PLCB1: variants seen among roughly 807,000 people sequenced by gnomAD.
PLCB1 encodes phospholipase C beta 1.
Under a neutral mutation model 161.8 loss-of-function variants are expected in PLCB1, and 46 were observed. The ratio of observed to expected loss-of-function variants is 0.28; its 90% confidence interval spans 0.22 to 0.36. The LOEUF (loss-of-function observed/expected upper bound fraction) is 0.36. Ranked by LOEUF, PLCB1 falls within the 10% of genes least tolerant of loss-of-function variation. The pLI is 1.00. For synonymous variants in PLCB1, 517 were observed against 503.7 expected (o/e 1.03, Z -0.35); for missense variants, 1,016 against 1,472.5 (o/e 0.69, Z 5.07).
At chr20:8,386,377 C>T (rs1600364372) in intron 3 of PLCB1, among the ~76,000 whole-genome samples, 1 of 152,174 alleles carries the variant, frequency 6.6e-6, no homozygotes, top group East Asian at 1.9e-4. Flanking sequence ...TGTATATCAC[C>T]ATCAGAGCTC....
chr20:8,455,277 G>A (rs776976210), intron 3 of PLCB1, among the ~76,000 whole-genome samples: 152 of 145,846 alleles, frequency 1.0e-3, no homozygotes, highest in Non-Finnish European at 1.6e-3. Context: ...GCGATGAGCC[G>A]AGATTGTGCC....
chr20:8,708,951 G>T (rs1247419132), intron 12 of PLCB1, among the ~76,000 whole-genome samples, 199 bp downstream of exon 12: 1 of 152,152 alleles, frequency 6.6e-6, no homozygotes, highest in Non-Finnish European at 1.5e-5. Flanking sequence ...GGACTTGTAG[G>T]ATCTATTTTC....
At chr20:8,480,704 C>T (rs2122742547) in intron 3 of PLCB1, among the ~76,000 whole-genome samples, 1 of 152,280 alleles carries the variant, frequency 6.6e-6, no homozygotes, top group South Asian at 2.1e-4. Context: ...TAGCACACAG[C>T]TTGAGAACTG....
chr20:8,525,467 C>G (rs1348769537), intron 3 of PLCB1, among the ~76,000 whole-genome samples: 2 of 152,108 alleles, frequency 1.3e-5, no homozygotes, highest in East Asian at 1.9e-4. Context: ...TTCAAATAAT[C>G]AATCTCAATT....
intron 2 of PLCB1, among the ~76,000 whole-genome samples, chr20:8,322,895 T>C (rs952261820): frequency 6.6e-6 from 1 of 152,174 alleles, no homozygotes; most frequent in African/African-American, 2.4e-5. Flanking sequence ...TGTTTGAGGC[T>C]GTACCGCATG....
At chr20:8,242,159 T>C (rs1212134139) in intron 2 of PLCB1, among the ~76,000 whole-genome samples, 2 of 151,774 alleles carry the variant, frequency 1.3e-5, no homozygotes, top group African/African-American at 4.9e-5. Flanking sequence ...TACATGTTTC[T>C]GTTGTTGTTG....
intron 18 of PLCB1, chr20:8,729,954 T>C (rs1980145767): frequency 1.3e-5 from 2 of 151,990 alleles, no homozygotes; most frequent in Admixed American, 1.3e-4. Context: ...AAAAATGTGT[T>C]ATTTCACTGT....
At chr20:8,646,265 C>T (rs1989170807) in intron 5 of PLCB1, 84 bp downstream of exon 5, 1 of 898,450 alleles carries the variant, frequency 1.1e-6, no homozygotes, top group African/African-American at 1.7e-5. Context: ...CCGTTTATGC[C>T]ATACTGACTT....
intron 27 of PLCB1, among the ~76,000 whole-genome samples, chr20:8,787,476 A>G (rs6118321): frequency 0.014 from 2,165 of 152,298 alleles, 53 homozygotes; most frequent in African/African-American, 0.049. Flanking sequence ...CTTGCCTTAT[A>G]TGTTTTTGGG....
rs1982257980 is a variant in PLCB1 at position 8,765,241 on chromosome 20, A to G, written c.2813A>G (p.His938Arg). 1.2e-5 allele frequency: 19 copies of G among 1,613,978 alleles called. No homozygotes were observed. Among genetic ancestry groups the G allele is most frequent in the Non-Finnish European group, 1.4e-5 (17 of 1,179,828 alleles). ...ATGAAAGACCTGGTTAAGAGACACCACAAGAAAACCACTGACCTTATCAAA... is the reference window on the plus strand; with the variant it reads ...ATGAAAGACCTGGTTAAGAGACACCGCAAGAAAACCACTGACCTTATCAAA... ...KEMKDLVKRH[H>R]KKTTDLIKEH... The change falls in exon 26 of 32, where the codon CAC (histidine) becomes CGC (arginine). Residue 938 changes from histidine (H) to arginine (R), a missense_variant. His to Arg is a conservative substitution (Grantham distance 29). This residue lies in a region of PLCB1 where 398 missense variants were observed against 445.4 expected (regional missense o/e 0.89). Transcript: ENST00000338037.
chr20:8,450,915 G>A (rs574228126), intron 3 of PLCB1, among the ~76,000 whole-genome samples: 3 of 152,284 alleles, frequency 2.0e-5, no homozygotes, highest in African/African-American at 7.2e-5. Context: ...TCAATTTACT[G>A]TTAAGTTGTA....
chr20:8,353,219 C>T (rs1358243703), intron 2 of PLCB1, among the ~76,000 whole-genome samples: 4 of 152,008 alleles, frequency 2.6e-5, no homozygotes, highest in African/African-American at 9.7e-5. Context: ...AAAGACTTCT[C>T]AATGGTCAAA....
chr20:8,600,131 C>T (rs9798550), intron 3 of PLCB1, among the ~76,000 whole-genome samples: 36 of 132,240 alleles, frequency 2.7e-4, no homozygotes, highest in East Asian at 6.5e-4. Flanking sequence ...AGCTTTGTTC[C>T]GTTGCTGGTG....
At position 8,788,451 on chromosome 20, in the gene PLCB1, T is replaced by G; in HGVS notation, c.3114T>G (p.Leu1038=). 2.5e-6 allele frequency: 4 copies of G among 1,612,666 alleles called. No individual in the cohort carries two copies. The highest frequency in any genetic ancestry group is 3.4e-6 in the Non-Finnish European group (4 of 1,179,572). Reference sequence around the variant, plus strand: ...AAACTGACATTTTCTTTTTCCAGCTTATTCAAAAGTTGACGGATGTCGCAG... The same window carrying G: ...AAACTGACATTTTCTTTTTCCAGCTGATTCAAAAGTTGACGGATGTCGCAG... The part of the protein sequence containing the change: ...KYQKREHIKL[L]IQKLTDVAEE... Residue 1038 remains leucine (L), a splice_region_variant and synonymous_variant, in exon 28 of 32, where the codon CTT becomes CTG. Transcript: ENST00000338037.
chr20:8,507,649 T>C (rs1038145066), intron 3 of PLCB1, among the ~76,000 whole-genome samples: 1 of 152,036 alleles, frequency 6.6e-6, no homozygotes, highest in Non-Finnish European at 1.5e-5. Context: ...TACAAGGCAA[T>C]AAAAATTTAC....
chr20:8,416,985 GTAAA>G (rs1979307935), intron 3 of PLCB1, among the ~76,000 whole-genome samples: 1 of 116,472 alleles, frequency 8.6e-6, no homozygotes, highest in Non-Finnish European at 1.7e-5. Flanking sequence ...CGCTTCAGCT[GTAAA>G]CACATATATA....
rs771357901 is a variant in PLCB1, at chr20:8,677,067, A to AG, written c.863-7865_863-7864insG. On this transcript the variant is annotated intron_variant, in intron 9 of 31. Coordinates refer to ENST00000338037, the MANE Select transcript of PLCB1 (RefSeq NM_015192.4). ...ATCTTTTAGAGAGTAAAGCAAAAAA[A>AG]TTAGATGGAAGATTGGAGAGAAAAT... 2.2e-4 allele frequency among the ~76,000 whole-genome samples: 34 copies of AG among 152,328 alleles called. 1 individual carries two copies. The highest frequency in any genetic ancestry group is 1.7e-3 in the South Asian group (8 of 4,832).
At chr20:8,743,164 G>C (rs1459597541) in intron 23 of PLCB1, among the ~76,000 whole-genome samples, 3 of 152,132 alleles carry the variant, frequency 2.0e-5, no homozygotes, top group Non-Finnish European at 4.4e-5. Flanking sequence ...TCTTCATTCA[G>C]TTTGATACTA....
chr20:8,811,112 A>T (rs6086605), intron 31 of PLCB1, among the ~76,000 whole-genome samples: 86,450 of 152,056 alleles, frequency 0.57, 25,815 homozygotes, highest in East Asian at 0.73. Context: ...GAAGGGCATG[A>T]TCCCCAGTGT....
Sources: gnomAD v4.1 joint callset for allele counts (sites outside exome capture counted in the v4.1 genomes callset) on GRCh38, gnomAD v4.1.1 for gene constraint, gnomAD v4.1.1 regional missense constraint, MANE v1.5 for transcripts, NCBI Gene and HGNC (gene_info 2026-07-23, HGNC 2026-07-21) for gene names.